Variants in RAB3GAP1 observed in about 807,000 individuals in gnomAD.
RAB3GAP1 encodes the protein rab3 GTPase-activating protein catalytic subunit.
Under a neutral mutation model 130.7 loss-of-function variants are expected in RAB3GAP1, and 86 were observed. That is an observed-to-expected ratio of 0.66 (90% CI 0.55 to 0.79). The LOEUF (loss-of-function observed/expected upper bound fraction) is 0.79, where lower values mean the gene tolerates loss of function less well. RAB3GAP1 is among the 30% of genes least tolerant of loss of function. The pLI, the probability that RAB3GAP1 is intolerant of heterozygous loss-of-function variation, is 0.00. For synonymous variants in RAB3GAP1, 367 were observed against 401.7 expected (o/e 0.91, Z 1.03); for missense variants, 1,029 against 1,169.4 (o/e 0.88, Z 1.75).
chr2:135,122,556 T>C (rs1691235814), intron 8 of RAB3GAP1, among the ~76,000 whole-genome samples: 1 of 152,204 alleles, frequency 6.6e-6, no homozygotes, highest in African/African-American at 2.4e-5. Flanking sequence ...AATATTAACC[T>C]TCTCCCTCAG....
At chr2:135,130,495 A>G (rs1691501209) in intron 12 of RAB3GAP1, 57 bp from the exon 13 acceptor site, 17 of 1,400,170 alleles carry the variant, frequency 1.2e-5, no homozygotes, top group East Asian at 2.3e-5. Flanking sequence ...TTTGTTCATC[A>G]CTTTCACCTG....
chr2:135,079,767 A>G (rs1218573360), intron 3 of RAB3GAP1, among the ~76,000 whole-genome samples: 1 of 152,210 alleles, frequency 6.6e-6, no homozygotes, highest in Non-Finnish European at 1.5e-5. Context: ...TGAGATGGTA[A>G]ATCATTTTAC....
rs1412048820 is a variant in RAB3GAP1, at chr2:135,113,226, CCTT to C, written c.444_446del (p.Leu149del). The C allele has an allele frequency of 4.3e-6, 7 of 1,614,112 alleles. No homozygotes were observed. Among genetic ancestry groups the C allele is most frequent in the Non-Finnish European group, 5.9e-6 (7 of 1,180,028 alleles). Reference sequence around the variant, plus strand: ...CTGTTCTCAGCGAATCTAAGTGCAACCTTCTTCTGAGTTCTGTTTCTATTGCCT... The same window carrying C: ...CTGTTCTCAGCGAATCTAAGTGCAACCTTCTGAGTTCTGTTTCTATTGCCT... On this transcript the variant is annotated inframe_deletion, in exon 6 of 24. Transcript: ENST00000264158.
intron 3 of RAB3GAP1, among the ~76,000 whole-genome samples, chr2:135,068,018 G>T (rs1187393386): frequency 6.6e-6 from 1 of 152,164 alleles, no homozygotes; most frequent in African/African-American, 2.4e-5. Flanking sequence ...AGGATTACAG[G>T]TGTGATCCAC....
In RAB3GAP1 at chr2:135,102,602, G is replaced by T. The variant is rs375852995; in HGVS notation, c.362+8909G>T. On this transcript the variant is annotated intron_variant, in intron 5 of 23. Transcript: ENST00000264158. Reference sequence around the variant, plus strand: ...ATTTTGTCCCCATGGCTCTGCCTTTGTTGAGCGTTGTCTTTGGGTCTTTAG... The same window carrying T: ...ATTTTGTCCCCATGGCTCTGCCTTTTTTGAGCGTTGTCTTTGGGTCTTTAG... Among the ~76,000 whole-genome samples the T allele has an allele frequency of 2.6e-4, 39 of 152,318 alleles. No individual in the cohort carries two copies. In the South Asian group the frequency reaches 7.7e-3, roughly 30 times the overall value.
chr2:135,073,583 C>T (rs1326749072), intron 3 of RAB3GAP1, among the ~76,000 whole-genome samples: 1 of 152,130 alleles, frequency 6.6e-6, no homozygotes, highest in Non-Finnish European at 1.5e-5. Flanking sequence ...AGTGGCCTGG[C>T]CTTCTGCACC....
intron 2 of RAB3GAP1, 54 bp downstream of exon 2, chr2:135,052,539 G>A (rs937450597): frequency 7.5e-6 from 12 of 1,601,662 alleles, no homozygotes; most frequent in Admixed American, 1.7e-5. Context: ...GCGTCCCCTA[G>A]CCGCTTCCCT....
intron 19 of RAB3GAP1, among the ~76,000 whole-genome samples, chr2:135,160,760 T>G (rs1692445843): frequency 6.6e-6 from 1 of 151,786 alleles, no homozygotes; most frequent in Non-Finnish European, 1.5e-5. Context: ...ATTACAATTA[T>G]TTTTATCAGT....
intron 19 of RAB3GAP1, among the ~76,000 whole-genome samples, chr2:135,154,682 TGAACACA>T (rs1378463015): frequency 2.6e-5 from 4 of 152,038 alleles, no homozygotes; most frequent in African/African-American, 7.2e-5. Flanking sequence ...GCCAAAACAC[TGAACACA>T]GGTAGGGTTT....
At chr2:135,122,706 T>C (rs1387606619) in intron 8 of RAB3GAP1, among the ~76,000 whole-genome samples, 2 of 152,112 alleles carry the variant, frequency 1.3e-5, no homozygotes, top group Non-Finnish European at 2.9e-5. Context: ...GAGACAATTA[T>C]TATTATCTTT....
At chr2:135,165,085 G>C (rs531342470) in intron 23 of RAB3GAP1, 2 of 451,162 alleles carry the variant, frequency 4.4e-6, no homozygotes, top group African/African-American at 4.0e-5. Flanking sequence ...GCAAAGTGGA[G>C]TCACAACTCA....
intron 19 of RAB3GAP1, among the ~76,000 whole-genome samples, chr2:135,157,849 A>C (rs1692358209): frequency 2.7e-5 from 4 of 147,792 alleles, no homozygotes; most frequent in South Asian, 4.3e-4. Flanking sequence ...AAAAAAAAAA[A>C]CAAAAACAAT....
In RAB3GAP1 at chr2:135,093,664, T is replaced by G; in HGVS notation, c.333T>G (p.Phe111Leu). The part of the protein sequence containing the change: ...MQDLLGMNND[F>L]PPRAHCLVRW... ...ATTTGCTGGGTATGAATAATGACTTTCCTCCAAGAGCACATTGCCTGGTAA... is the reference window on the plus strand; with the variant it reads ...ATTTGCTGGGTATGAATAATGACTTGCCTCCAAGAGCACATTGCCTGGTAA... The change falls in exon 5 of 24, where the codon TTT (phenylalanine) becomes TTG (leucine). Residue 111 changes from phenylalanine to leucine, a missense_variant. Physicochemically the swap from Phe to Leu is conservative, Grantham distance 22. This residue lies in a region of RAB3GAP1 where 510 missense variants were observed against 532.1 expected (regional missense o/e 0.96). Transcript: ENST00000264158. 1 of 1,613,430 alleles carries G rather than the reference T, an allele frequency of 6.2e-7. No individual in the cohort carries two copies. The highest frequency in any genetic ancestry group is 8.5e-7 in the Non-Finnish European group (1 of 1,179,340).
At chr2:135,075,707 G>T in intron 3 of RAB3GAP1, among the ~76,000 whole-genome samples, 1 of 145,980 alleles carries the variant, frequency 6.9e-6, no homozygotes, top group East Asian at 2.0e-4. Context: ...CTTCATATGG[G>T]GGTTTTCCTC....
At chr2:135,143,012 ACTT>A (rs749696934) in intron 17 of RAB3GAP1, among the ~76,000 whole-genome samples, 38 of 151,570 alleles carry the variant, frequency 2.5e-4, no homozygotes, top group Admixed American at 1.4e-3. Flanking sequence ...ATAAGATTTT[ACTT>A]CTTCTTCAAA....
At chr2:135,165,807 C>T (rs1039957034) in intron 23 of RAB3GAP1, among the ~76,000 whole-genome samples, 1 of 152,210 alleles carries the variant, frequency 6.6e-6, no homozygotes, top group African/African-American at 2.4e-5. Context: ...CAGAAGCTTA[C>T]AAGCGCATTT....
chr2:135,075,237 A>G (rs1363942618), intron 3 of RAB3GAP1, among the ~76,000 whole-genome samples: 2 of 152,202 alleles, frequency 1.3e-5, no homozygotes, highest in Non-Finnish European at 2.9e-5. Flanking sequence ...TTTGAGTAAC[A>G]AATTCTTTCA....
rs149097708 is a variant in RAB3GAP1, at chr2:135,106,577, C to T, written c.363-6574C>T. Among the ~76,000 whole-genome samples, 1,142 of 151,598 alleles carry T rather than the reference C, an allele frequency of 7.5e-3. 35 individuals carry two copies. The highest frequency in any genetic ancestry group is 0.061 in the Admixed American group (926 of 15,250). On this transcript the variant is annotated intron_variant, in intron 5 of 23. Transcript: ENST00000264158. ...CAGCATGCTTCTTAAGAGTCATCAC[C>T]ACTCCCTAATCTCAAGTATCCAGGG... is the stretch of plus-strand genomic sequence containing the variant.
At chr2:135,069,149 A>T (rs1035846372) in intron 3 of RAB3GAP1, among the ~76,000 whole-genome samples, 1 of 152,212 alleles carries the variant, frequency 6.6e-6, no homozygotes, top group Admixed American at 6.5e-5. Flanking sequence ...ATTGCCTGGT[A>T]TATGCTTAGT....
Sources: allele counts gnomAD v4.1 joint callset (sites outside exome capture counted in the v4.1 genomes callset), GRCh38; gene constraint gnomAD v4.1.1; regional missense constraint gnomAD v4.1.1; transcripts MANE v1.5; gene names NCBI Gene and HGNC (gene_info 2026-07-23, HGNC 2026-07-21).